The following ARRB1 variants were observed in gnomAD, a reference collection of about 807,000 sequenced individuals.
ARRB1 encodes the protein beta-arrestin-1.
Under a neutral mutation model 56.8 loss-of-function variants are expected in ARRB1, and 21 were observed. The ratio of observed to expected loss-of-function variants is 0.37; its 90% CI spans 0.26 to 0.53. The LOEUF is 0.53. ARRB1 is among the 20% of genes least tolerant of loss of function. ARRB1 has a pLI of 0.88. For missense variants in ARRB1, 424 were observed against 553.7 expected (o/e 0.77, Z 2.35); for synonymous variants, 210 against 218.6 (o/e 0.96, Z 0.35).
intron 1 of ARRB1, among the ~76,000 whole-genome samples, chr11:75,313,612 G>A (rs1380070986): frequency 2.0e-5 from 3 of 152,228 alleles, no homozygotes; most frequent in Non-Finnish European, 4.4e-5. Flanking sequence ...AGGGAGGCGT[G>A]TGACACACAG....
chr11:75,284,129 G>A (rs1946419283), intron 4 of ARRB1, 106 bp downstream of exon 4: 1 of 1,198,212 alleles, frequency 8.3e-7, no homozygotes, highest in Admixed American at 2.4e-5. Context: ...TATTTGTTGG[G>A]GCTTTCAGGG....
At chr11:75,319,042 T>C (rs1392402143) in intron 1 of ARRB1, among the ~76,000 whole-genome samples, 1 of 152,200 alleles carries the variant, frequency 6.6e-6, no homozygotes, top group Non-Finnish European at 1.5e-5. Flanking sequence ...TAGAAACAAC[T>C]GTAGCACACA....
In ARRB1 at chr11:75,296,211, T is replaced by C. The variant is rs936270840; in HGVS notation, c.21-6172A>G. ...AAAAAAAAAAAAAAAAAAAAAAGAG[T>C]ATTATTTAGCAAAATGTTTGTTTCA... On this transcript the variant is annotated intron_variant, in intron 1 of 15. Coordinates refer to ENST00000420843, the MANE Select transcript of ARRB1 (RefSeq NM_004041.5). Among the ~76,000 whole-genome samples the C allele has an allele frequency of 3.1e-5, 4 of 127,034 alleles. No homozygotes were observed. In the South Asian group the frequency reaches 9.8e-4, roughly 31 times the overall value. 83.3% of individuals were successfully genotyped at this position (127,034 alleles called of 152,430 possible).
chr11:75,276,727 C>G (rs1301108157), intron 10 of ARRB1, 112 bp downstream of exon 10: 1 of 1,028,418 alleles, frequency 9.7e-7, no homozygotes, highest in Non-Finnish European at 1.5e-6. Context: ...AGTCTGAGGC[C>G]CAGCCCTCTG....
rs868595145 is a variant in ARRB1, at chr11:75,263,741, A to G, written c.*2422T>C. On this transcript the variant is annotated 3_prime_UTR_variant, in exon 16 of 16. Transcript: ENST00000420843. ...CCTTGTGCAGTCCTGGCTCCAGGAG[A>G]AAAAAAAAAAAAAAAGATAGTGCTC... Among the ~76,000 whole-genome samples the G allele has an allele frequency of 8.0e-6, 1 of 125,554 alleles. No individual in the cohort carries two copies. Among genetic ancestry groups the G allele is most frequent in the Non-Finnish European group, 1.6e-5 (1 of 60,718 alleles). 82.4% of individuals were successfully genotyped at this position (125,554 alleles called of 152,430 possible).
intron 13 of ARRB1, among the ~76,000 whole-genome samples, chr11:75,269,721 T>C (rs1946031220): frequency 6.6e-6 from 1 of 152,232 alleles, no homozygotes; most frequent in South Asian, 2.1e-4. Context: ...ACCATATTAT[T>C]ATCCCCAATG....
chr11:75,291,748 G>T (rs1408750678), intron 1 of ARRB1, among the ~76,000 whole-genome samples: 1 of 152,152 alleles, frequency 6.6e-6, no homozygotes, highest in Non-Finnish European at 1.5e-5. Flanking sequence ...AGGGACACAG[G>T]CCCTGGACGG....
chr11:75,335,682 T>A (rs1354366908), intron 1 of ARRB1, among the ~76,000 whole-genome samples: 2 of 152,126 alleles, frequency 1.3e-5, no homozygotes, highest in African/African-American at 4.8e-5. Context: ...TTCTTTGTGA[T>A]CCTGGGGCAC....
At chr11:75,267,832 G>A in intron 14 of ARRB1, 129 bp from the exon 15 acceptor site, 1 of 755,830 alleles carries the variant, frequency 1.3e-6, no homozygotes, top group Non-Finnish European at 2.2e-6. Flanking sequence ...AAGGGGAATG[G>A]AGATGGGGGA....
chr11:75,337,416 A>G (rs1947622307), intron 1 of ARRB1, among the ~76,000 whole-genome samples: 1 of 152,236 alleles, frequency 6.6e-6, no homozygotes, highest in Non-Finnish European at 1.5e-5. Context: ...TTCCTTCAGC[A>G]CGAGGACCAG....
chr11:75,293,480 C>T (rs1946655691), intron 1 of ARRB1, among the ~76,000 whole-genome samples: 1 of 152,180 alleles, frequency 6.6e-6, no homozygotes. Flanking sequence ...ACCTATGCAG[C>T]GTCACACAGA....
At chr11:75,299,445 A>G (rs1468320272) in intron 1 of ARRB1, among the ~76,000 whole-genome samples, 2 of 151,036 alleles carry the variant, frequency 1.3e-5, no homozygotes, top group Non-Finnish European at 2.9e-5. Context: ...AGGAGAATCT[A>G]GGAAAAAAAA....
chr11:75,316,213 G>A (rs903932525), intron 1 of ARRB1, among the ~76,000 whole-genome samples: 1 of 152,094 alleles, frequency 6.6e-6, no homozygotes, highest in Non-Finnish European at 1.5e-5. Flanking sequence ...TGTAATCCCA[G>A]CTACTTGGGA....
intron 1 of ARRB1, among the ~76,000 whole-genome samples, chr11:75,333,564 G>A (rs1947552679): frequency 6.6e-6 from 1 of 152,212 alleles, no homozygotes; most frequent in Non-Finnish European, 1.5e-5. Context: ...CAATCAGCAT[G>A]TATTGAGCAC....
chr11:75,304,648 G>A (rs1405031063), intron 1 of ARRB1, among the ~76,000 whole-genome samples: 1 of 151,972 alleles, frequency 6.6e-6, no homozygotes, highest in Non-Finnish European at 1.5e-5. Flanking sequence ...GTCATGATTT[G>A]GGGAAGAGGT....
At chr11:75,309,139 G>T (rs1414153498) in intron 1 of ARRB1, among the ~76,000 whole-genome samples, 4 of 152,260 alleles carry the variant, frequency 2.6e-5, no homozygotes, top group African/African-American at 9.6e-5. Flanking sequence ...CTCTCAGAAG[G>T]TGGCCTGGGG....
intron 1 of ARRB1, among the ~76,000 whole-genome samples, chr11:75,316,571 A>G (rs1311117609): frequency 6.6e-6 from 1 of 151,972 alleles, no homozygotes; most frequent in African/African-American, 2.4e-5. Flanking sequence ...CCTGCCATGA[A>G]ACATCTCGCT....
rs762145704 is a variant in ARRB1 at position 75,278,792 on chromosome 11, A to T, written c.483-48T>A. 10 of 1,561,570 alleles carry T rather than the reference A, an allele frequency of 6.4e-6. No individual in the cohort carries two copies. The South Asian group carries it at 1.2e-4, about 19-fold the overall frequency. ...AAGAGGACCAGGGTCACCTGCCTTC[A>T]TCCCCTCTCCTTGCGAGCCTCACAT... is the stretch of plus-strand genomic sequence containing the variant. On this transcript the variant is annotated intron_variant, in intron 7 of 15. Transcript: ENST00000420843.
At chr11:75,347,358 A>G (rs1377925791) in intron 1 of ARRB1, among the ~76,000 whole-genome samples, 2 of 152,188 alleles carry the variant, frequency 1.3e-5, no homozygotes, top group African/African-American at 4.8e-5. Context: ...GAGAAATGAC[A>G]GCCAAAGTTC....
Sources: allele counts gnomAD v4.1 joint callset (sites outside exome capture counted in the v4.1 genomes callset), GRCh38; gene constraint gnomAD v4.1.1; transcripts MANE v1.5; gene names NCBI Gene and HGNC (gene_info 2026-07-23, HGNC 2026-07-21).